The following ENOX1 variants were observed in gnomAD, a reference collection of about 807,000 sequenced individuals.
ENOX1 encodes the protein candidate growth-related and time keeping constitutive hydroquinone (NADH) oxidase.
In ENOX1, 42 loss-of-function variants were observed where a neutral mutation model predicts 82.5. The observed-to-expected ratio is 0.51, with a 90% confidence interval of 0.40 to 0.66. The LOEUF (loss-of-function observed/expected upper bound fraction) is 0.66. ENOX1 is among the 30% of genes least tolerant of loss of function. ENOX1 has a pLI of 0.00. For synonymous variants in ENOX1, 271 were observed against 282.2 expected (o/e 0.96, Z 0.40); for missense variants, 608 against 811.6 (o/e 0.75, Z 3.05).
At chr13:43,738,465 C>G (rs1031834370) in intron 1 of ENOX1, among the ~76,000 whole-genome samples, 11 of 152,192 alleles carry the variant, frequency 7.2e-5, no homozygotes, top group African/African-American at 2.6e-4. Flanking sequence ...AAAAATTAGT[C>G]AATATTAACA....
At chr13:43,537,767 A>G (rs955149428) in intron 2 of ENOX1, among the ~76,000 whole-genome samples, 6 of 152,230 alleles carry the variant, frequency 3.9e-5, no homozygotes, top group African/African-American at 1.4e-4. Flanking sequence ...TTTTCTCACG[A>G]TATACCACAG....
At chr13:43,612,693 C>G (rs1032045519) in intron 2 of ENOX1, among the ~76,000 whole-genome samples, 1 of 152,178 alleles carries the variant, frequency 6.6e-6, no homozygotes, top group Non-Finnish European at 1.5e-5. Flanking sequence ...AACTCATTCT[C>G]ATAAATTGTT....
chr13:43,754,504 T>C (rs1397976501), intron 1 of ENOX1, among the ~76,000 whole-genome samples: 1 of 151,728 alleles, frequency 6.6e-6, no homozygotes, highest in East Asian at 1.9e-4. Context: ...GGCTAGTTTT[T>C]GTATTTTTAG....
intron 2 of ENOX1, among the ~76,000 whole-genome samples, chr13:43,518,532 A>C (rs183560392): frequency 5.3e-5 from 8 of 152,136 alleles, no homozygotes; most frequent in African/African-American, 1.9e-4. Flanking sequence ...CTATAGAACA[A>C]TCCTGCAAGC....
intron 11 of ENOX1, among the ~76,000 whole-genome samples, chr13:43,320,086 C>A (rs1322039828): frequency 6.6e-6 from 1 of 152,202 alleles, no homozygotes; most frequent in Non-Finnish European, 1.5e-5. Flanking sequence ...TGCTGTCAGG[C>A]TGTGTCCCCA....
At chr13:43,413,318 C>T (rs756904873) in intron 3 of ENOX1, among the ~76,000 whole-genome samples, 66 of 152,242 alleles carry the variant, frequency 4.3e-4, no homozygotes, top group Non-Finnish European at 8.7e-4. Context: ...ACAGCCTTTT[C>T]CACACACACT....
chr13:43,725,611 T>G (rs2088889559), intron 1 of ENOX1, among the ~76,000 whole-genome samples: 1 of 152,092 alleles, frequency 6.6e-6, no homozygotes, highest in African/African-American at 2.4e-5. Context: ...GAAAAGTGAC[T>G]GCTACTCTTT....
intron 1 of ENOX1, among the ~76,000 whole-genome samples, chr13:43,785,684 G>C (rs1311562666): frequency 2.6e-5 from 4 of 152,166 alleles, no homozygotes; most frequent in African/African-American, 9.7e-5. Context: ...CCACAGAGCT[G>C]GGCTTGCCCA....
chr13:43,463,217 T>A (rs1455563334), intron 3 of ENOX1, among the ~76,000 whole-genome samples: 1 of 152,178 alleles, frequency 6.6e-6, no homozygotes. Flanking sequence ...CCTTTTTTGA[T>A]GCACTTTTGT....
chr13:43,344,536 A>G lies in ENOX1; in HGVS notation c.1036+2T>C. The G allele has an allele frequency of 6.2e-7, 1 of 1,610,472 alleles. No homozygotes were observed. Among genetic ancestry groups the G allele is most frequent in the Non-Finnish European group, 8.5e-7 (1 of 1,178,462 alleles). ...AGAGATGGCCCCCAAAATTTTACTT[A>G]CATTGAGTGAGAATCCCAGTTAAGG... On this transcript the variant is annotated splice_donor_variant, in intron 9 of 16. Coordinates refer to ENST00000690772, the MANE Select transcript of ENOX1 (RefSeq NM_001347969.2). LOFTEE classifies it high-confidence loss of function.
intron 1 of ENOX1, among the ~76,000 whole-genome samples, chr13:43,720,957 C>G (rs2088529530): frequency 6.6e-6 from 1 of 152,162 alleles, no homozygotes; most frequent in Non-Finnish European, 1.5e-5. Flanking sequence ...CAATGTTGTT[C>G]TAAATAGTAG....
rs1041328150 is a variant in ENOX1 at position 43,762,418 on chromosome 13, T to C, written c.-285+24234A>G. 5.9e-5 allele frequency among the ~76,000 whole-genome samples: 9 copies of C among 151,514 alleles called. No homozygotes were observed. In the East Asian group the frequency reaches 1.6e-3, roughly 26 times the overall value. Reference sequence around the variant, plus strand: ...GATAAATTAAGCTTCACAATCAGATTTGAGTTTCTTATCAATTTTCTCACA... The same window carrying C: ...GATAAATTAAGCTTCACAATCAGATCTGAGTTTCTTATCAATTTTCTCACA... On this transcript the variant is annotated intron_variant, in intron 1 of 16. Coordinates refer to ENST00000690772, the MANE Select transcript of ENOX1 (RefSeq NM_001347969.2).
intron 1 of ENOX1, among the ~76,000 whole-genome samples, chr13:43,747,749 T>A (rs116141516): frequency 2.6e-5 from 4 of 152,340 alleles, no homozygotes; most frequent in African/African-American, 9.6e-5. Context: ...GATACCTTTT[T>A]ATTTGAAGGA....
At chr13:43,587,015 A>G (rs2081026179) in intron 2 of ENOX1, among the ~76,000 whole-genome samples, 1 of 151,808 alleles carries the variant, frequency 6.6e-6, no homozygotes, top group Non-Finnish European at 1.5e-5. Context: ...TGGAGGTTGC[A>G]GCAAGCCAAG....
intron 3 of ENOX1, among the ~76,000 whole-genome samples, chr13:43,434,899 C>T (rs1341607670): frequency 6.9e-6 from 1 of 144,296 alleles, no homozygotes; most frequent in Non-Finnish European, 1.5e-5. Context: ...CACTGTTCTA[C>T]GTGTCCTTTT....
chr13:43,578,487 T>G (rs370995020), intron 2 of ENOX1, among the ~76,000 whole-genome samples: 1 of 152,206 alleles, frequency 6.6e-6, no homozygotes, highest in African/African-American at 2.4e-5. Context: ...ATATACTTAA[T>G]GACAAAATTT....
chr13:43,769,130 T>G (rs1306501992), intron 1 of ENOX1, among the ~76,000 whole-genome samples: 2 of 152,230 alleles, frequency 1.3e-5, no homozygotes, highest in Non-Finnish European at 2.9e-5. Flanking sequence ...AATCTATGTT[T>G]TGGCTTCCTC....
chr13:43,633,681 T>C lies in ENOX1; in HGVS notation c.-219+33798A>G, dbSNP rs1345004059. ...ACATAATGCTATTTACATTTTAAAA[T>C]GTGTGTATGTGTGTGTGTGTGTGTG... On this transcript the variant is annotated intron_variant, in intron 2 of 16. Transcript: ENST00000690772. 2.4e-4 allele frequency among the ~76,000 whole-genome samples: 10 copies of C among 42,088 alleles called. No individual in the cohort carries two copies. In the Admixed American group the frequency reaches 4.2e-3, roughly 18 times the overall value. The allele number at this position is 42,088 out of a possible 152,430, so 27.6% of individuals were successfully genotyped here.
At chr13:43,433,318 G>A (rs1354982866) in intron 3 of ENOX1, among the ~76,000 whole-genome samples, 1 of 152,042 alleles carries the variant, frequency 6.6e-6, no homozygotes, top group African/African-American at 2.4e-5. Flanking sequence ...TTCCTTGAGC[G>A]AGAACTCACT....
Sources: gnomAD v4.1 joint callset for allele counts (sites outside exome capture counted in the v4.1 genomes callset) on GRCh38, gnomAD v4.1.1 for gene constraint, MANE v1.5 for transcripts, NCBI Gene and HGNC (gene_info 2026-07-23, HGNC 2026-07-21) for gene names.